Variants in FAM83H observed in about 807,000 individuals in gnomAD.
FAM83H encodes protein FAM83H.
A neutral mutation model predicts 30.2 loss-of-function variants in FAM83H; 24 were observed. The ratio of observed to expected loss-of-function variants is 0.79; its 90% CI spans 0.57 to 1.12. FAM83H has a LOEUF of 1.12. FAM83H is among the 50% of genes most tolerant of loss of function. The probability of loss-of-function intolerance (pLI) is 0.00; values close to 1 mark genes in which losing one functional copy is unlikely to be tolerated. For synonymous variants in FAM83H, 1,013 were observed against 821.7 expected, an observed-to-expected ratio of 1.23 and a Z score of -3.98; for missense variants, 2,038 against 1,773.9, an observed-to-expected ratio of 1.15 and a Z score of -2.67.
rs199503722 is a variant in FAM83H, at chr8:143,730,223, G to A, written c.360C>T (p.Thr120=). 1.9e-4 allele frequency: 302 copies of A among 1,613,240 alleles called. 1 individual carries two copies. The highest frequency in any genetic ancestry group is 2.4e-4 in the Non-Finnish European group (283 of 1,179,810). ...GWPLTFGFQG[T]EVTTLVQPPP... ...GTGGCTGCACCAAGGTGGTCACCTC[G>A]GTGCCCTGGAAGCCGAAGGTCAGAG... Residue 120 remains threonine (T), a synonymous_variant, in exon 2 of 5, where the codon ACC becomes ACT. Transcript: ENST00000388913.
At position 143,726,215 on chromosome 8, in the gene FAM83H, T is replaced by G. The variant is rs531814884; in HGVS notation, c.3246A>C (p.Pro1082=). The G allele has an allele frequency of 1.2e-6, 2 of 1,612,102 alleles. No individual in the cohort carries two copies. The highest frequency in any genetic ancestry group is 2.7e-5 in the African/African-American group (2 of 74,910). The change falls in exon 5 of 5, where the codon CCA becomes CCC. Residue 1082 remains proline (P), a synonymous_variant. Transcript: ENST00000388913. ...GRPPAAGVLA[P]DMSDKDKCSA... ...AACACTTGTCCTTGTCGGACATATC[T>G]GGGGCCAGGACGCCAGCAGCCGGTG...
Position 143,728,386 on chromosome 8 carries a change from G to T in FAM83H, c.1075C>A (p.Pro359Thr), listed in dbSNP as rs1554623358. 2 of 1,545,940 alleles carry T rather than the reference G, an allele frequency of 1.3e-6. No individual in the cohort carries two copies. Among genetic ancestry groups the T allele is most frequent in the Admixed American group, 2.0e-5 (1 of 50,846 alleles). ...AGCGCGCCCCCCGGCATCCGCGGCG[G>T]CTCCTCCCGGCGGAAGGCCGACAGG... ...HFLSAFRREE[P>T]PRMPGGALEP... The change falls in exon 5 of 5, where the codon CCG (proline) becomes ACG (threonine). Residue 359 changes from proline to threonine, a missense_variant. Coordinates refer to ENST00000388913, the MANE Select transcript of FAM83H (RefSeq NM_198488.5).
chr8:143,731,273 T>A (rs1192260490), intron 1 of FAM83H: 2 of 942,388 alleles, frequency 2.1e-6, no homozygotes, highest in African/African-American at 3.5e-5. Flanking sequence ...ATGCTGCCCA[T>A]GTGTCCGTCT....
In FAM83H at chr8:143,733,318, G is replaced by A. The variant is rs1389521942; in HGVS notation, c.-16+373C>T. ...GGCCACCCCAGTCCACGGCGGCCCG[G>A]GCGGATGTCCCCAGGGAAGGGTCCA... On this transcript the variant is annotated intron_variant, in intron 1 of 4. Transcript: ENST00000388913. This position sits in a 1 kb window ranked among gnomAD's most constrained non-coding sequence, Gnocchi z 5.6. 6.6e-6 allele frequency among the ~76,000 whole-genome samples: 1 copy of A among 152,172 alleles called. No homozygotes were observed. Among genetic ancestry groups the A allele is most frequent in the Non-Finnish European group, 1.5e-5 (1 of 68,008 alleles).
chr8:143,727,316 G>A lies in FAM83H; in HGVS notation c.2145C>T (p.Val715=). ...KVQLLHKEQT[V]SETLGPGGEA... is the part of the protein sequence containing the mutation. The stretch of plus-strand genomic sequence containing the variant: ...CTCCGCCGGGCCCCAGCGTCTCGCT[G>A]ACCGTCTGCTCCTTGTGCAGCAGCT... The change falls in exon 5 of 5, where the codon GTC becomes GTT. Residue 715 remains valine (V), a synonymous_variant. Coordinates refer to ENST00000388913, the MANE Select transcript of FAM83H (RefSeq NM_198488.5). 3 of 1,550,230 alleles carry A rather than the reference G, an allele frequency of 1.9e-6. No individual in the cohort carries two copies. The highest frequency in any genetic ancestry group is 1.7e-6 in the Non-Finnish European group (2 of 1,154,788).
chr8:143,727,974 C>T lies in FAM83H; in HGVS notation c.1487G>A (p.Arg496His), dbSNP rs1818370127. ...PDDFTLGAGP[R>H]FPELGPDGHQ... ...CCCGTCGGGTCCGAGCTCCGGGAAG[C>T]GGGGCCCGGCGCCCAGGGTGAAGTC... is the stretch of plus-strand genomic sequence containing the variant. Residue 496 changes from arginine (R) to histidine (H), a missense_variant, in exon 5 of 5, where the codon CGC (arginine) becomes CAC (histidine). Physicochemically the swap from Arg to His is conservative, Grantham distance 29. Transcript: ENST00000388913. The T allele has an allele frequency of 1.3e-6, 2 of 1,572,592 alleles. No homozygotes were observed. Among genetic ancestry groups the T allele is most frequent in the East Asian group, 2.3e-5 (1 of 43,826 alleles).
rs1466429443 is a variant in FAM83H at position 143,727,676 on chromosome 8, C to G, written c.1785G>C (p.Gly595=). The G allele has an allele frequency of 2.3e-5, 36 of 1,567,444 alleles. No individual in the cohort carries two copies. Among genetic ancestry groups the G allele is most frequent in the Admixed American group, 5.3e-5 (3 of 56,384 alleles). ...SYLSGCHGED[G]GDDGLPAPME... ...TGGGCGCCGGTAGGCCGTCGTCGCC[C>G]CCATCCTCGCCGTGGCAGCCGCTCA... is the stretch of plus-strand genomic sequence containing the variant. The change falls in exon 5 of 5, where the codon GGG becomes GGC. Residue 595 remains glycine, a synonymous_variant. Coordinates refer to ENST00000388913, the MANE Select transcript of FAM83H (RefSeq NM_198488.5).
intron 1 of FAM83H, chr8:143,731,723 T>C (rs782202241): frequency 2.8e-5 from 28 of 985,362 alleles, no homozygotes; most frequent in Middle Eastern, 5.2e-4. Context: ...CTCAGAGTCC[T>C]GTCCCCACCA....
rs782820331 is a variant in FAM83H, at chr8:143,729,333, C to A, written c.448-10G>T. ...TCACCACGGCCACCACCTGCAGGGG[C>A]GGGTCAGGACGGAGAGGAGAGGCCC... On this transcript the variant is annotated splice_polypyrimidine_tract_variant and intron_variant, in intron 2 of 4. Coordinates refer to ENST00000388913, the MANE Select transcript of FAM83H (RefSeq NM_198488.5). The A allele has an allele frequency of 1.2e-6, 2 of 1,612,586 alleles. No individual in the cohort carries two copies. Among genetic ancestry groups the A allele is most frequent in the East Asian group, 4.5e-5 (2 of 44,882 alleles).
At position 143,728,171 on chromosome 8, in the gene FAM83H, C is replaced by G. The variant is rs550491841; in HGVS notation, c.1290G>C (p.Ser430=). 2 of 1,606,770 alleles carry G rather than the reference C, an allele frequency of 1.2e-6. No individual in the cohort carries two copies. The highest frequency in any genetic ancestry group is 1.7e-6 in the Non-Finnish European group (2 of 1,178,850). The change falls in exon 5 of 5, where the codon TCG becomes TCC. Residue 430 remains serine (S), a synonymous_variant. Transcript: ENST00000388913. ...VENFAAARQV[S]RQTFLSHGDD... ...CGCCGTGGCTGAGGAACGTCTGCCG[C>G]GACACCTGCCGCGCGGCCGCGAAGT...
rs1554623072 is a variant in FAM83H, at chr8:143,728,020, C to G, written c.1441G>C (p.Ala481Pro). The change falls in exon 5 of 5, where the codon GCG becomes CCG. Residue 481 changes from alanine to proline, a missense_variant. Transcript: ENST00000388913. The part of the protein sequence containing the change: ...GLFEKLRGGR[A>P]GFADPDDFTL... Reference sequence around the variant, plus strand: ...AAGTCATCCGGGTCCGCGAAACCCGCGCGGCCCCCGCGAAGCTTCTCGAAC... The same window carrying G: ...AAGTCATCCGGGTCCGCGAAACCCGGGCGGCCCCCGCGAAGCTTCTCGAAC... The G allele has an allele frequency of 6.2e-7, 1 of 1,602,680 alleles. No homozygotes were observed. The highest frequency in any genetic ancestry group is 1.1e-5 in the South Asian group (1 of 90,412).
intron 4 of FAM83H, 61 bp from the exon 5 acceptor site, chr8:143,728,784 G>A: frequency 3.1e-6 from 5 of 1,598,360 alleles, no homozygotes; most frequent in Non-Finnish European, 4.2e-6. Flanking sequence ...CAGCCCCGTG[G>A]GCAGCGGGTG....
Position 143,728,424 on chromosome 8 carries a change from G to T in FAM83H, c.1037C>A (p.Pro346Gln), listed in dbSNP as rs536088856. Reference sequence around the variant, plus strand: ...GAAGGCCGACAGGAAGTGGCGGTCCGGGTCGAGGAAGGAGGGGAAGCCCAG... The same window carrying T: ...GAAGGCCGACAGGAAGTGGCGGTCCTGGTCGAGGAAGGAGGGGAAGCCCAG... Reference protein sequence around the residue: ...EGLGFPSFLDPDRHFLSAFRR... With the variant: ...EGLGFPSFLDQDRHFLSAFRR... Residue 346 changes from proline to glutamine, a missense_variant, in exon 5 of 5, where the codon CCG (proline) becomes CAG (glutamine). Coordinates refer to ENST00000388913, the MANE Select transcript of FAM83H (RefSeq NM_198488.5). 5.5e-4 allele frequency: 847 copies of T among 1,548,702 alleles called. 1 individual carries two copies. Among genetic ancestry groups the T allele is most frequent in the Non-Finnish European group, 6.9e-4 (795 of 1,145,768 alleles).
At position 143,725,518 on chromosome 8, in the gene FAM83H, C is replaced by T. The variant is rs1818255366; in HGVS notation, c.*403G>A. 4.0e-6 allele frequency: 1 copy of T among 248,142 alleles called. No homozygotes were observed. The allele number at this position is 248,142 out of a possible 1,614,324, so 15.4% of individuals were successfully genotyped here. On this transcript the variant is annotated 3_prime_UTR_variant, in exon 5 of 5. Coordinates refer to ENST00000388913, the MANE Select transcript of FAM83H (RefSeq NM_198488.5). Reference sequence around the variant, plus strand: ...GGCTGAGGCAGGAGAATCGCTGGAACCCGGGAGGCAGAGGTTGCAGTGAGC... The same window carrying T: ...GGCTGAGGCAGGAGAATCGCTGGAATCCGGGAGGCAGAGGTTGCAGTGAGC...
At chr8:143,731,766 G>A in intron 1 of FAM83H, 1 of 985,438 alleles carries the variant, frequency 1.0e-6, no homozygotes, top group South Asian at 4.7e-5. Flanking sequence ...ACCTTTCCAG[G>A]TCCTGGGCTC....
rs370111651 is a variant in FAM83H, at chr8:143,729,049, G to A, written c.655C>T (p.Arg219Cys). 2.4e-5 allele frequency: 39 copies of A among 1,613,440 alleles called. No individual in the cohort carries two copies. Among genetic ancestry groups the A allele is most frequent in the Non-Finnish European group, 2.9e-5 (34 of 1,180,006 alleles). Residue 219 changes from arginine to cysteine, a missense_variant, in exon 4 of 5, where the codon CGC becomes TGC. Physicochemically the swap from Arg to Cys is radical, Grantham distance 180 (BLOSUM62 -3). Transcript: ENST00000388913. ...TGGCCCTTGAAGGACTTCCCAGTGC[G>A]GCAGTAGTAGGTGGGGCCCGCCACA... ...RTVAGPTYYCRTGKSFKGHVK... is the reference protein window; with the variant it reads ...RTVAGPTYYCCTGKSFKGHVK...
In FAM83H at chr8:143,726,689, G is replaced by A. The variant is rs928984188; in HGVS notation, c.2772C>T (p.Ser924=). The change falls in exon 5 of 5, where the codon AGC becomes AGT. Residue 924 remains serine, a synonymous_variant. Coordinates refer to ENST00000388913, the MANE Select transcript of FAM83H (RefSeq NM_198488.5). ...SPVPPVPERR[S]SPVPPVPERR... is the part of the protein sequence containing the mutation. ...GCTCCGGCACGGGGGGCACCGGACTGCTCCTGCGCTCCGGCACGGGGGGCA... is the reference window on the plus strand; with the variant it reads ...GCTCCGGCACGGGGGGCACCGGACTACTCCTGCGCTCCGGCACGGGGGGCA... 57 of 1,599,954 alleles carry A rather than the reference G, an allele frequency of 3.6e-5. No homozygotes were observed. The East Asian group carries it at 9.4e-4, about 26-fold the overall frequency.
In FAM83H at chr8:143,728,354, C is replaced by T; in HGVS notation, c.1107G>A (p.Pro369=). The change falls in exon 5 of 5, where the codon CCG becomes CCA. Residue 369 remains proline, a synonymous_variant. Coordinates refer to ENST00000388913, the MANE Select transcript of FAM83H (RefSeq NM_198488.5). ...GCGAGAGCGGCCGCAGCCCCGCGTG[C>T]GGTTCCAGCGCGCCCCCCGGCATCC... The part of the protein sequence containing the change: ...PPRMPGGALE[P]HAGLRPLSRR... The T allele has an allele frequency of 2.0e-6, 3 of 1,533,354 alleles. No individual in the cohort carries two copies. Among genetic ancestry groups the T allele is most frequent in the Non-Finnish European group, 2.6e-6 (3 of 1,138,740 alleles). 95.0% of individuals were successfully genotyped at this position (1,533,354 alleles called of 1,614,324 possible). A position where few individuals can be genotyped will look rare whatever the true frequency, so the allele number is the denominator to read the frequency against.
rs112406713 is a variant in FAM83H, at chr8:143,732,248, G to A, written c.-16+1443C>T. On this transcript the variant is annotated intron_variant, in intron 1 of 4. Coordinates refer to ENST00000388913, the MANE Select transcript of FAM83H (RefSeq NM_198488.5). ...CAGCCCTAGATGCCAACCGGCTTGGGAGAAGCTGTCCCAACATTTCTTTGT... is the reference window on the plus strand; with the variant it reads ...CAGCCCTAGATGCCAACCGGCTTGGAAGAAGCTGTCCCAACATTTCTTTGT... 6.7e-4 allele frequency: 656 copies of A among 985,444 alleles called. 4 individuals are homozygous for A. The African/African-American group carries it at 0.01, about 15-fold the overall frequency. 61.0% of individuals were successfully genotyped at this position (985,444 alleles called of 1,614,324 possible).
Sources: allele counts gnomAD v4.1 joint callset (sites outside exome capture counted in the v4.1 genomes callset), GRCh38; gene constraint gnomAD v4.1.1; non-coding constraint Gnocchi (gnomAD v3.1); transcripts MANE v1.5; gene names NCBI Gene and HGNC (gene_info 2026-07-23, HGNC 2026-07-21).